KCTD8: variants seen among roughly 807,000 people sequenced by gnomAD.
KCTD8 encodes potassium channel tetramerization domain containing 8.
KCTD8 carries 27 observed loss-of-function variants against 31.5 expected under a neutral mutation model. That is an observed-to-expected ratio of 0.86 (90% CI 0.63 to 1.18). The LOEUF is 1.18. Ranked by LOEUF, KCTD8 falls within the 50% of genes most tolerant of loss-of-function variation. The probability of loss-of-function intolerance (pLI) is 0.00; values close to 1 mark genes in which losing one functional copy is unlikely to be tolerated. For synonymous variants in KCTD8, 290 were observed against 280.0 expected, an observed-to-expected ratio of 1.04 and a Z score of -0.36; for missense variants, 658 against 647.7, an observed-to-expected ratio of 1.02 and a Z score of -0.17.
intron 1 of KCTD8, among the ~76,000 whole-genome samples, chr4:44,355,197 T>C (rs971543791): frequency 6.6e-6 from 1 of 152,178 alleles, no homozygotes; most frequent in Admixed American, 6.5e-5. Context: ...AAATTACTTA[T>C]TATTGTTGAA....
intron 1 of KCTD8, among the ~76,000 whole-genome samples, chr4:44,243,523 A>G (rs575067611): frequency 1.1e-3 from 161 of 152,298 alleles, no homozygotes; most frequent in Non-Finnish European, 1.8e-3. Flanking sequence ...TTCATAAATA[A>G]AGGCAAGGCC....
At chr4:44,443,001 T>C (rs1293813299) in intron 1 of KCTD8, among the ~76,000 whole-genome samples, 1 of 152,218 alleles carries the variant, frequency 6.6e-6, no homozygotes, top group African/African-American at 2.4e-5. Flanking sequence ...AAAAGTTCAA[T>C]GCCATTAAAC....
chr4:44,238,095 C>A (rs1715343458), intron 1 of KCTD8, among the ~76,000 whole-genome samples: 1 of 152,098 alleles, frequency 6.6e-6, no homozygotes, highest in Admixed American at 6.6e-5. Context: ...ACCATAATCC[C>A]CCTTACTCTC....
intron 1 of KCTD8, among the ~76,000 whole-genome samples, chr4:44,186,486 C>T (rs1464100712): frequency 6.6e-6 from 1 of 152,174 alleles, no homozygotes; most frequent in Non-Finnish European, 1.5e-5. Flanking sequence ...TGCGATAAGG[C>T]AGAGGGTCTA....
At chr4:44,420,672 C>A (rs902772788) in intron 1 of KCTD8, among the ~76,000 whole-genome samples, 2 of 152,106 alleles carry the variant, frequency 1.3e-5, no homozygotes, top group Admixed American at 6.6e-5. Flanking sequence ...GGGAATTTTA[C>A]ACCTTCTCCC....
At chr4:44,239,617 C>A (rs1027926123) in intron 1 of KCTD8, among the ~76,000 whole-genome samples, 2 of 152,068 alleles carry the variant, frequency 1.3e-5, no homozygotes, top group African/African-American at 4.8e-5. Flanking sequence ...AAGTTGTTCA[C>A]CATATGATTC....
intron 1 of KCTD8, among the ~76,000 whole-genome samples, chr4:44,429,567 A>T (rs1300600146): frequency 6.6e-6 from 1 of 151,818 alleles, no homozygotes; most frequent in East Asian, 1.9e-4. Flanking sequence ...AAACACTGGC[A>T]TAAAAATATA....
intron 1 of KCTD8, among the ~76,000 whole-genome samples, chr4:44,392,908 A>G (rs1171305293): frequency 1.3e-5 from 2 of 152,028 alleles, no homozygotes; most frequent in African/African-American, 4.8e-5. Flanking sequence ...ATATCACCAA[A>G]TGATATTCAT....
chr4:44,177,541 T>A (rs542852092), intron 1 of KCTD8, among the ~76,000 whole-genome samples: 3 of 152,166 alleles, frequency 2.0e-5, no homozygotes, highest in East Asian at 3.9e-4. Context: ...AATCATGGGG[T>A]TGGGTCTTTC....
At chr4:44,404,280 T>G in intron 1 of KCTD8, among the ~76,000 whole-genome samples, 1 of 152,366 alleles carries the variant, frequency 6.6e-6, no homozygotes, top group East Asian at 1.9e-4. Context: ...TTGTTGTTTC[T>G]GACATTCAAC....
At chr4:44,322,791 T>G (rs776905005) in intron 1 of KCTD8, among the ~76,000 whole-genome samples, 2 of 152,108 alleles carry the variant, frequency 1.3e-5, no homozygotes, top group Admixed American at 1.3e-4. Context: ...GATCCATTTT[T>G]ATTCTTCTGC....
intron 1 of KCTD8, among the ~76,000 whole-genome samples, chr4:44,385,821 T>C (rs1389627957): frequency 6.6e-6 from 1 of 151,492 alleles, no homozygotes; most frequent in African/African-American, 2.4e-5. Context: ...GGTGTTACTA[T>C]CCAAAATTTA....
At chr4:44,252,861 G>C (rs1715881907) in intron 1 of KCTD8, among the ~76,000 whole-genome samples, 1 of 151,620 alleles carries the variant, frequency 6.6e-6, no homozygotes, top group South Asian at 2.1e-4. Flanking sequence ...TTGAAAAGAG[G>C]CACTTCCTTA....
chr4:44,417,644 T>G (rs1179391941), intron 1 of KCTD8, among the ~76,000 whole-genome samples: 2 of 7,680 alleles, frequency 2.6e-4, no homozygotes, highest in Non-Finnish European at 9.1e-4. Flanking sequence ...TGTTTGCCTG[T>G]TTAATCATGC....
chr4:44,441,989 G>C (rs535610556), intron 1 of KCTD8, among the ~76,000 whole-genome samples: 1 of 152,104 alleles, frequency 6.6e-6, no homozygotes, highest in Non-Finnish European at 1.5e-5. Flanking sequence ...TTCATTAAAT[G>C]TGTAAACTTA....
rs146801638 is a variant in KCTD8, at chr4:44,217,058, T to C, written c.962-41808A>G. Among the ~76,000 whole-genome samples, 7 of 149,638 alleles carry C rather than the reference T, an allele frequency of 4.7e-5. No homozygotes were observed. In the East Asian group the frequency reaches 1.4e-3, roughly 30 times the overall value. On this transcript the variant is annotated intron_variant, in intron 1 of 1. Coordinates refer to ENST00000360029, the MANE Select transcript of KCTD8 (RefSeq NM_198353.3). ...TAAAAACCTAACCTTTAGAACTCTA[T>C]GAATGATAGAGGATTCAAGAAAAGT... is the stretch of plus-strand genomic sequence containing the variant.
At chr4:44,223,282 A>G (rs966791022) in intron 1 of KCTD8, among the ~76,000 whole-genome samples, 1 of 152,186 alleles carries the variant, frequency 6.6e-6, no homozygotes, top group Non-Finnish European at 1.5e-5. Flanking sequence ...AAGATAGAGA[A>G]CACTGGAAGA....
intron 1 of KCTD8, among the ~76,000 whole-genome samples, chr4:44,198,549 C>T (rs747973147): frequency 9.2e-5 from 14 of 152,080 alleles, no homozygotes; most frequent in Admixed American, 2.6e-4. Flanking sequence ...TTTCATATCC[C>T]ACCAAGCTAA....
intron 1 of KCTD8, among the ~76,000 whole-genome samples, chr4:44,289,395 T>G (rs982827077): frequency 1.1e-4 from 16 of 152,022 alleles, no homozygotes; most frequent in Admixed American, 9.8e-4. Context: ...TAGAGCAAAA[T>G]AAGTCTTACT....
Sources: allele counts gnomAD v4.1 joint callset (sites outside exome capture counted in the v4.1 genomes callset), GRCh38; gene constraint gnomAD v4.1.1; transcripts MANE v1.5; gene names NCBI Gene and HGNC (gene_info 2026-07-23, HGNC 2026-07-21).